TRAPPC3L: variants seen among roughly 807,000 people sequenced by gnomAD.
The protein encoded by TRAPPC3L is trafficking protein particle complex subunit 3-like protein.
Under a neutral mutation model 23.7 loss-of-function variants are expected in TRAPPC3L, and 23 were observed. The observed-to-expected ratio is 0.97, with a 90% CI of 0.70 to 1.37. TRAPPC3L has a LOEUF of 1.37. TRAPPC3L is among the 40% of genes most tolerant of loss of function. The probability of loss-of-function intolerance (pLI) is 0.00; values close to 1 mark genes in which losing one functional copy is unlikely to be tolerated. For missense variants in TRAPPC3L, 212 were observed against 216.8 expected (o/e 0.98, Z 0.14); for synonymous variants, 81 against 77.9 (o/e 1.04, Z -0.21).
At chr6:116,516,708 T>TATAC (rs1198977627) in intron 3 of TRAPPC3L, 2 of 119,644 alleles carry the variant, frequency 1.7e-5, no homozygotes, top group South Asian at 5.5e-4. Context: ...TATATATATA[T>TATAC]ACACACACAC....
At chr6:116,535,590 G>C (rs1444313020) in intron 3 of TRAPPC3L, among the ~76,000 whole-genome samples, 1 of 152,114 alleles carries the variant, frequency 6.6e-6, no homozygotes, top group Non-Finnish European at 1.5e-5. Flanking sequence ...TCTTTGACCA[G>C]AGACAGGTGC....
rs1773292427 is a variant in TRAPPC3L, at chr6:116,539,386, T to C, written c.240+977A>G. ...ACCACATTATTCACTAGCCATGAAATAATACCAGTAATAATATGAGTAAAT... is the reference window on the plus strand; with the variant it reads ...ACCACATTATTCACTAGCCATGAAACAATACCAGTAATAATATGAGTAAAT... On this transcript the variant is annotated intron_variant, in intron 3 of 4. Transcript: ENST00000368602. Among the ~76,000 whole-genome samples the C allele has an allele frequency of 2.0e-5, 3 of 152,172 alleles. No homozygotes were observed. In the South Asian group the frequency reaches 6.2e-4, roughly 32 times the overall value.
chr6:116,496,916 C>T lies in TRAPPC3L; in HGVS notation c.*38G>A, dbSNP rs1771840620. The T allele has an allele frequency of 3.1e-5, 48 of 1,526,360 alleles. No individual in the cohort carries two copies. The highest frequency in any genetic ancestry group is 4.1e-5 in the Non-Finnish European group (47 of 1,140,400). 94.6% of individuals were successfully genotyped at this position (1,526,360 alleles called of 1,614,324 possible). Reference sequence around the variant, plus strand: ...TCTATACATGTTTAGCTAACATTAACTCAGCTAGCCGCCCCGTGGCATTTT... The same window carrying T: ...TCTATACATGTTTAGCTAACATTAATTCAGCTAGCCGCCCCGTGGCATTTT... On this transcript the variant is annotated 3_prime_UTR_variant, in exon 5 of 5. Transcript: ENST00000368602.
At chr6:116,517,983 C>G (rs529548124) in intron 3 of TRAPPC3L, 5 of 152,292 alleles carry the variant, frequency 3.3e-5, no homozygotes, top group Non-Finnish European at 5.9e-5. Context: ...CCAAAGGGGC[C>G]GTGGAAGCTC....
At chr6:116,519,618 G>C (rs1319032991) in intron 3 of TRAPPC3L, 1 of 152,220 alleles carries the variant, frequency 6.6e-6, no homozygotes, top group Non-Finnish European at 1.5e-5. Flanking sequence ...GCCAACCCAA[G>C]CCCAGGCTGA....
chr6:116,543,866 C>T lies in TRAPPC3L; in HGVS notation c.43-466G>A, dbSNP rs1211927461. 1.0e-5 allele frequency: 16 copies of T among 1,532,616 alleles called. No individual in the cohort carries two copies. In the East Asian group the frequency reaches 3.9e-4, roughly 37 times the overall value. The allele number at this position is 1,532,616 out of a possible 1,614,324, so 94.9% of individuals were successfully genotyped here. On this transcript the variant is annotated intron_variant, in intron 1 of 4. Transcript: ENST00000368602. ...TTCAGGATAAACCCAAATGTAGCAG[C>T]AAATTTGTGAGTTTCTTTTCTTTTT...
chr6:116,525,594 A>C (rs1309356215), intron 3 of TRAPPC3L, among the ~76,000 whole-genome samples: 1 of 152,192 alleles, frequency 6.6e-6, no homozygotes, highest in Non-Finnish European at 1.5e-5. Context: ...TCCTGTACCT[A>C]CAGCCACAAC....
At chr6:116,509,174 G>A (rs1220809397) in intron 3 of TRAPPC3L, among the ~76,000 whole-genome samples, 1 of 150,164 alleles carries the variant, frequency 6.7e-6, no homozygotes, top group African/African-American at 2.5e-5. Flanking sequence ...ACTATAAAAT[G>A]CAGCTGAAAG....
intron 3 of TRAPPC3L, among the ~76,000 whole-genome samples, chr6:116,509,091 TAAAA>T (rs56112495): frequency 0.36 from 46,112 of 127,962 alleles, 8,224 homozygotes; most frequent in East Asian, 0.52. Flanking sequence ...ATAAGAGTTG[TAAAA>T]AAAAAAAAAA....
chr6:116,496,749 T>G lies in TRAPPC3L; in HGVS notation c.*205A>C. 1.7e-6 allele frequency: 1 copy of G among 594,422 alleles called. No homozygotes were observed. Among genetic ancestry groups the G allele is most frequent in the Non-Finnish European group, 2.6e-6 (1 of 378,142 alleles). The allele number at this position is 594,422 out of a possible 1,614,324, so 36.8% of individuals were successfully genotyped here. On this transcript the variant is annotated 3_prime_UTR_variant, in exon 5 of 5. Coordinates refer to ENST00000368602, the MANE Select transcript of TRAPPC3L (RefSeq NM_001139444.3). Reference sequence around the variant, plus strand: ...AAGGAGCTATTTGCATATGAAATTTTGTGGACATGAGATTGAAAATGCGTG... The same window carrying G: ...AAGGAGCTATTTGCATATGAAATTTGGTGGACATGAGATTGAAAATGCGTG...
chr6:116,545,134 T>C (rs1420947967), intron 1 of TRAPPC3L, among the ~76,000 whole-genome samples: 1 of 150,952 alleles, frequency 6.6e-6, no homozygotes, highest in Non-Finnish European at 1.5e-5. Context: ...TACATATATA[T>C]ACATATACAT....
At chr6:116,540,262 G>C in intron 3 of TRAPPC3L, 101 bp downstream of exon 3, 1 of 1,061,702 alleles carries the variant, frequency 9.4e-7, no homozygotes, top group South Asian at 1.6e-5. Flanking sequence ...ACCTAACAAT[G>C]AATGCAGATG....
Position 116,500,682 on chromosome 6 carries a change from C to A in TRAPPC3L, c.241-16G>T, listed in dbSNP as rs999240076. The A allele has an allele frequency of 6.5e-7, 1 of 1,548,974 alleles. No individual in the cohort carries two copies. The highest frequency in any genetic ancestry group is 8.7e-7 in the Non-Finnish European group (1 of 1,145,780). On this transcript the variant is annotated splice_polypyrimidine_tract_variant and intron_variant, in intron 3 of 4. Coordinates refer to ENST00000368602, the MANE Select transcript of TRAPPC3L (RefSeq NM_001139444.3). ...TGAAAGCAACCTGATAAGAAAAAAA[C>A]AAAATTACTAAAACTTGGTCTAGAA...
At chr6:116,506,085 C>A (rs1021251845) in intron 3 of TRAPPC3L, among the ~76,000 whole-genome samples, 1 of 152,134 alleles carries the variant, frequency 6.6e-6, no homozygotes, top group Non-Finnish European at 1.5e-5. Context: ...AGCAGGCAAC[C>A]TACAGAATGG....
chr6:116,522,748 A>G (rs757414403), intron 3 of TRAPPC3L: 7 of 152,306 alleles, frequency 4.6e-5, no homozygotes, highest in Non-Finnish European at 8.8e-5. Context: ...AGTAAGCTGG[A>G]AAGAGATTGT....
chr6:116,538,692 C>T (rs1190216840), intron 3 of TRAPPC3L, among the ~76,000 whole-genome samples: 1 of 151,896 alleles, frequency 6.6e-6, no homozygotes, highest in Non-Finnish European at 1.5e-5. Flanking sequence ...CAATGCTCTA[C>T]CGCCTTATTA....
At chr6:116,498,326 C>T (rs1466947160) in intron 4 of TRAPPC3L, among the ~76,000 whole-genome samples, 1 of 152,132 alleles carries the variant, frequency 6.6e-6, no homozygotes, top group Non-Finnish European at 1.5e-5. Flanking sequence ...GATCTCATGG[C>T]CACCGACTAC....
chr6:116,530,333 A>T (rs1772622436), intron 3 of TRAPPC3L, among the ~76,000 whole-genome samples: 1 of 152,210 alleles, frequency 6.6e-6, no homozygotes, highest in South Asian at 2.1e-4. Flanking sequence ...CACATTAAAA[A>T]TCAGATTGTC....
chr6:116,537,748 A>G (rs183879456), intron 3 of TRAPPC3L, among the ~76,000 whole-genome samples: 3 of 152,268 alleles, frequency 2.0e-5, no homozygotes, highest in Admixed American at 2.0e-4. Flanking sequence ...GCAACTTCCT[A>G]AGGGGCCTGA....
Sources: allele counts gnomAD v4.1 joint callset (sites outside exome capture counted in the v4.1 genomes callset), GRCh38; gene constraint gnomAD v4.1.1; transcripts MANE v1.5; gene names NCBI Gene and HGNC (gene_info 2026-07-23, HGNC 2026-07-21).